APBB2: variants seen among roughly 807,000 people sequenced by gnomAD.
APBB2 encodes the protein amyloid beta precursor protein binding family B member 2.
In APBB2, 38 loss-of-function variants were observed where a neutral mutation model predicts 82.5. That is an observed-to-expected ratio of 0.46 (90% CI 0.36 to 0.60). The LOEUF (loss-of-function observed/expected upper bound fraction) is 0.60, where lower values mean the gene tolerates loss of function less well. APBB2 is among the 20% of genes least tolerant of loss of function. The pLI is 0.00. For missense variants in APBB2, 772 were observed against 972.3 expected (o/e 0.79, Z 2.74); for synonymous variants, 341 against 368.2 (o/e 0.93, Z 0.85).
rs1560860526 is a variant in APBB2, at chr4:40,907,350, TA to T, written c.1255-13940del. On this transcript the variant is annotated intron_variant, in intron 10 of 17. Transcript: ENST00000508593. Reference sequence around the variant, plus strand: ...ATTTAATTTAATTTAATATATTACATATATATATATATATATATATATATAT... The same window carrying T: ...ATTTAATTTAATTTAATATATTACATTATATATATATATATATATATATAT... Among the ~76,000 whole-genome samples, 22 of 72,032 alleles carry T rather than the reference TA, an allele frequency of 3.1e-4. 1 individual carries two copies. Among genetic ancestry groups the T allele is most frequent in the South Asian group, 8.8e-4 (2 of 2,270 alleles). 47.3% of individuals were successfully genotyped at this position (72,032 alleles called of 152,430 possible).
chr4:41,030,479 C>T (rs1379406638), intron 5 of APBB2, among the ~76,000 whole-genome samples: 2 of 152,130 alleles, frequency 1.3e-5, no homozygotes, highest in Non-Finnish European at 2.9e-5. Flanking sequence ...GCACTACAGC[C>T]TCAAATTCCT....
chr4:40,924,449 C>T (rs1578469885), intron 10 of APBB2, among the ~76,000 whole-genome samples: 1 of 152,230 alleles, frequency 6.6e-6, no homozygotes, highest in Non-Finnish European at 1.5e-5. Context: ...TCTGACAACT[C>T]TGAACAACAG....
chr4:40,818,280 C>G (rs1308592707), intron 17 of APBB2, among the ~76,000 whole-genome samples: 1 of 151,994 alleles, frequency 6.6e-6, no homozygotes, highest in Non-Finnish European at 1.5e-5. Context: ...ACTAGTATGC[C>G]TTATACTAGA....
chr4:41,146,407 T>C (rs1382687560), intron 1 of APBB2, among the ~76,000 whole-genome samples: 2 of 150,322 alleles, frequency 1.3e-5, no homozygotes, highest in Admixed American at 6.6e-5. Flanking sequence ...AGTGGGAGGA[T>C]TGCTTGATCC....
At chr4:40,884,583 C>CA (rs1161960011) in intron 12 of APBB2, among the ~76,000 whole-genome samples, 2 of 152,078 alleles carry the variant, frequency 1.3e-5, no homozygotes, top group Admixed American at 1.3e-4. Flanking sequence ...TCAAGACCAG[C>CA]ATGGGCAACA....
chr4:40,832,321 C>T lies in APBB2; in HGVS notation c.1530-1744G>A, dbSNP rs1202016254. ...AAAACCCTGCCTCGCAACCTCACCT[C>T]GCCATGCCCCAGGCAGCCCTGCAGT... On this transcript the variant is annotated intron_variant, in intron 12 of 17. Transcript: ENST00000508593. This position sits in a 1 kb window ranked among gnomAD's most constrained non-coding sequence, Gnocchi z 4.8. Among the ~76,000 whole-genome samples the T allele has an allele frequency of 5.9e-5, 9 of 152,204 alleles. No individual in the cohort carries two copies. Among genetic ancestry groups the T allele is most frequent in the Non-Finnish European group, 8.8e-5 (6 of 68,032 alleles).
chr4:41,202,940 C>T (rs578181052), intron 1 of APBB2, among the ~76,000 whole-genome samples: 1 of 152,114 alleles, frequency 6.6e-6, no homozygotes, highest in African/African-American at 2.4e-5. Context: ...TGTATATATA[C>T]TCCAAATGTG....
At chr4:40,879,911 C>T (rs558800757) in intron 12 of APBB2, 19 of 656,206 alleles carry the variant, frequency 2.9e-5, no homozygotes, top group African/African-American at 2.2e-4. Context: ...AGGCTGGTCT[C>T]GAACTCCTAA....
rs1442054434 is a variant in APBB2 at position 41,199,669 on chromosome 4, T to C, written c.-417+14736A>G. On this transcript the variant is annotated intron_variant, in intron 1 of 17. Coordinates refer to ENST00000508593, the MANE Select transcript of APBB2 (RefSeq NM_004307.2). ...GGATCTACAGCTAACAGTTTAAGAT[T>C]ACATGCAACTTTCAAATTTTCATTA... is the stretch of plus-strand genomic sequence containing the variant. 4.6e-5 allele frequency among the ~76,000 whole-genome samples: 7 copies of C among 152,164 alleles called. No individual in the cohort carries two copies. In the East Asian group the frequency reaches 1.3e-3, roughly 29 times the overall value.
At chr4:40,907,002 CTA>C (rs1156935708) in intron 10 of APBB2, among the ~76,000 whole-genome samples, 1 of 152,038 alleles carries the variant, frequency 6.6e-6, no homozygotes, top group Non-Finnish European at 1.5e-5. Context: ...ATATGCATGT[CTA>C]TATGTGTATA....
chr4:40,928,387 AACACACACACACAC>A (rs34694637), intron 10 of APBB2, among the ~76,000 whole-genome samples: 1 of 112,864 alleles, frequency 8.9e-6, no homozygotes, highest in South Asian at 3.5e-4. Context: ...TACTAAAGAA[AACACACACACACAC>A]ACACACACAC....
chr4:41,128,001 AC>A (rs1754866640), intron 2 of APBB2, among the ~76,000 whole-genome samples: 1 of 152,072 alleles, frequency 6.6e-6, no homozygotes, highest in African/African-American at 2.4e-5. Flanking sequence ...AATCGCTTGA[AC>A]CCAGGAGGCG....
Position 40,963,027 on chromosome 4 carries a change from T to C in APBB2, c.836-17954A>G, listed in dbSNP as rs577750398. Among the ~76,000 whole-genome samples, 26 of 152,302 alleles carry C rather than the reference T, an allele frequency of 1.7e-4. No homozygotes were observed. In the South Asian group the frequency reaches 5.4e-3, roughly 32 times the overall value. Reference sequence around the variant, plus strand: ...TTGTTACACTACAGAAATACTTTGGTTCTTTTTTTCCCCTTCCTCATTGCA... The same window carrying C: ...TTGTTACACTACAGAAATACTTTGGCTCTTTTTTTCCCCTTCCTCATTGCA... On this transcript the variant is annotated intron_variant, in intron 6 of 17. Transcript: ENST00000508593.
chr4:41,150,974 G>A (rs1343014412), intron 1 of APBB2, among the ~76,000 whole-genome samples: 1 of 152,100 alleles, frequency 6.6e-6, no homozygotes, highest in African/African-American at 2.4e-5. Flanking sequence ...CTGACCTCAG[G>A]TGATCTGCCC....
rs536322811 is a variant in APBB2, at chr4:40,910,086, C to T, written c.1255-16675G>A. On this transcript the variant is annotated intron_variant, in intron 10 of 17. Coordinates refer to ENST00000508593, the MANE Select transcript of APBB2 (RefSeq NM_004307.2). Reference sequence around the variant, plus strand: ...TCTCCTGCCGCATCCTCCCTAGTAGCGGGGATTACAGGCACCCACCACCAT... The same window carrying T: ...TCTCCTGCCGCATCCTCCCTAGTAGTGGGGATTACAGGCACCCACCACCAT... Among the ~76,000 whole-genome samples the T allele has an allele frequency of 2.8e-4, 42 of 150,650 alleles. No homozygotes were observed. The South Asian group carries it at 6.3e-3, about 23-fold the overall frequency.
Position 40,814,674 on chromosome 4 carries a change from A to G in APBB2, c.*1418T>C, listed in dbSNP as rs1355769379. The stretch of plus-strand genomic sequence containing the variant: ...GTTAATTTTGACATTAAGAAGAAGT[A>G]AACAAGACTAATATTGAGATTGATC... On this transcript the variant is annotated 3_prime_UTR_variant, in exon 18 of 18. Transcript: ENST00000508593. 6.6e-6 allele frequency: 1 copy of G among 152,262 alleles called. No individual in the cohort carries two copies. The highest frequency in any genetic ancestry group is 1.5e-5 in the Non-Finnish European group (1 of 68,044). The allele number at this position is 152,262 out of a possible 1,614,324, so 9.4% of individuals were successfully genotyped here.
At chr4:41,067,804 T>G (rs752015919) in intron 3 of APBB2, among the ~76,000 whole-genome samples, 1 of 152,078 alleles carries the variant, frequency 6.6e-6, no homozygotes, top group African/African-American at 2.4e-5. Flanking sequence ...GCTGTTTTAG[T>G]GAAGTGGTGG....
At chr4:40,856,856 G>T (rs1371145946) in intron 12 of APBB2, 9 of 794,358 alleles carry the variant, frequency 1.1e-5, no homozygotes, top group Non-Finnish European at 1.2e-5. Flanking sequence ...AGCCGTCCAG[G>T]ACCAGGCAAC....
intron 6 of APBB2, among the ~76,000 whole-genome samples, chr4:40,972,444 AT>A: frequency 4.8e-5 from 4 of 83,876 alleles, no homozygotes; most frequent in African/African-American, 7.8e-5. Flanking sequence ...AAAAAAAATA[AT>A]AATAAATAAA....
Sources: allele counts gnomAD v4.1 joint callset (sites outside exome capture counted in the v4.1 genomes callset), GRCh38; gene constraint gnomAD v4.1.1; non-coding constraint Gnocchi (gnomAD v3.1); transcripts MANE v1.5; gene names NCBI Gene and HGNC (gene_info 2026-07-23, HGNC 2026-07-21).